Variants in SMYD3 observed in about 807,000 individuals in gnomAD.
SMYD3 encodes histone-lysine N-methyltransferase SMYD3.
Under a neutral mutation model 57.7 loss-of-function variants are expected in SMYD3, and 36 were observed. The ratio of observed to expected loss-of-function variants is 0.62; its 90% CI spans 0.48 to 0.82. SMYD3 has a LOEUF of 0.82. Among genes scored for constraint, SMYD3 ranks in the 40% least tolerant of loss-of-function variants. The pLI, the probability that SMYD3 is intolerant of heterozygous loss-of-function variation, is 0.00. For synonymous variants in SMYD3, 211 were observed against 195.0 expected (o/e 1.08, Z -0.68); for missense variants, 515 against 538.8 (o/e 0.96, Z 0.44).
intron 8 of SMYD3, among the ~76,000 whole-genome samples, chr1:245,876,050 T>A (rs2052469783): frequency 6.6e-6 from 1 of 152,200 alleles, no homozygotes; most frequent in South Asian, 2.1e-4. Flanking sequence ...TCAGAGGCTT[T>A]AATTCACTCC....
chr1:246,298,416 A>T (rs976401061), intron 5 of SMYD3, among the ~76,000 whole-genome samples: 1 of 152,128 alleles, frequency 6.6e-6, no homozygotes, highest in African/African-American at 2.4e-5. Context: ...GAACTCATTT[A>T]AGTTCAAAGT....
chr1:245,822,574 C>CGCCA (rs1419363286), intron 10 of SMYD3, among the ~76,000 whole-genome samples: 8 of 151,068 alleles, frequency 5.3e-5, no homozygotes, highest in Non-Finnish European at 1.0e-4. Context: ...AAAAAGCCAC[C>CGCCA]GCCAGCATGC....
chr1:246,373,941 A>G (rs2066230677), intron 1 of SMYD3, among the ~76,000 whole-genome samples: 2 of 152,194 alleles, frequency 1.3e-5, no homozygotes, highest in African/African-American at 4.8e-5. Flanking sequence ...TCACTGATTC[A>G]TTCTTTCAAC....
At chr1:245,945,280 C>A (rs562489087) in intron 5 of SMYD3, among the ~76,000 whole-genome samples, 1 of 152,012 alleles carries the variant, frequency 6.6e-6, no homozygotes, top group Non-Finnish European at 1.5e-5. Context: ...AACAAATTTA[C>A]AAGAAGAAAA....
intron 10 of SMYD3, among the ~76,000 whole-genome samples, chr1:245,848,596 G>C (rs1466659485): frequency 6.6e-6 from 1 of 151,774 alleles, no homozygotes; most frequent in African/African-American, 2.4e-5. Context: ...ATGTTTAGTA[G>C]AGATGAAGTC....
chr1:246,192,742 T>C (rs1263858915), intron 5 of SMYD3, among the ~76,000 whole-genome samples: 2 of 152,162 alleles, frequency 1.3e-5, no homozygotes, highest in Non-Finnish European at 2.9e-5. Context: ...AAAGAGTAAA[T>C]ATGAGACTAA....
intron 11 of SMYD3, among the ~76,000 whole-genome samples, chr1:245,757,664 C>T (rs2045666959): frequency 6.6e-6 from 1 of 152,128 alleles, no homozygotes; most frequent in African/African-American, 2.4e-5. Context: ...TTCCCCAACA[C>T]TATTTGTTGA....
At chr1:246,156,996 C>T (rs1041051301) in intron 5 of SMYD3, among the ~76,000 whole-genome samples, 1 of 150,598 alleles carries the variant, frequency 6.6e-6, no homozygotes, top group Non-Finnish European at 1.5e-5. Context: ...CTAGGAGGTA[C>T]GAGGGCAAAG....
At chr1:246,090,844 C>T (rs1175163710) in intron 5 of SMYD3, among the ~76,000 whole-genome samples, 2 of 152,062 alleles carry the variant, frequency 1.3e-5, no homozygotes, top group Admixed American at 1.3e-4. Flanking sequence ...CCTCTTAACT[C>T]CGCTTCTAAA....
chr1:245,806,634 GGC>G (rs2048157109), intron 10 of SMYD3, among the ~76,000 whole-genome samples: 1 of 152,148 alleles, frequency 6.6e-6, no homozygotes, highest in African/African-American at 2.4e-5. Context: ...GAGAAGGCCG[GGC>G]GCGGTGGCTC....
At chr1:246,208,409 T>C (rs925540729) in intron 5 of SMYD3, among the ~76,000 whole-genome samples, 1 of 152,150 alleles carries the variant, frequency 6.6e-6, no homozygotes, top group African/African-American at 2.4e-5. Context: ...TAACACTTCA[T>C]GATAATAGAG....
At chr1:246,242,423 A>G (rs1301962488) in intron 5 of SMYD3, among the ~76,000 whole-genome samples, 1 of 152,132 alleles carries the variant, frequency 6.6e-6, no homozygotes, top group Admixed American at 6.6e-5. Flanking sequence ...CTTAATCCTG[A>G]GTTCTAATTT....
At chr1:246,054,942 G>A (rs552351889) in intron 5 of SMYD3, among the ~76,000 whole-genome samples, 9 of 150,746 alleles carry the variant, frequency 6.0e-5, no homozygotes, top group East Asian at 5.9e-4. Flanking sequence ...TTGGGAGGCC[G>A]AGGCGGGCGG....
intron 5 of SMYD3, among the ~76,000 whole-genome samples, chr1:245,963,328 G>T (rs2058058573): frequency 6.6e-6 from 1 of 152,182 alleles, no homozygotes. Flanking sequence ...CACAGGGCAA[G>T]CTGCTGCCCC....
At chr1:245,895,746 T>C (rs536362392) in intron 8 of SMYD3, among the ~76,000 whole-genome samples, 7 of 152,360 alleles carry the variant, frequency 4.6e-5, no homozygotes, top group African/African-American at 1.2e-4. Context: ...ACAGCCCACA[T>C]GGGAATCAAG....
intron 2 of SMYD3, among the ~76,000 whole-genome samples, chr1:246,347,836 T>C (rs865969193): frequency 2.0e-5 from 3 of 152,010 alleles, no homozygotes; most frequent in African/African-American, 7.3e-5. Flanking sequence ...ATGGTGGGAA[T>C]GTAAATTAGT....
intron 5 of SMYD3, among the ~76,000 whole-genome samples, chr1:246,295,900 G>C (rs2064784628): frequency 6.6e-6 from 1 of 152,158 alleles, no homozygotes; most frequent in Non-Finnish European, 1.5e-5. Flanking sequence ...CAATCCCCAA[G>C]GGAGGTATGA....
At chr1:245,897,593 T>C (rs912352492) in intron 8 of SMYD3, among the ~76,000 whole-genome samples, 1 of 152,176 alleles carries the variant, frequency 6.6e-6, no homozygotes, top group African/African-American at 2.4e-5. Context: ...GTTACCTCTT[T>C]TATTAAGAAG....
chr1:245,767,722 T>C (rs962999218), intron 10 of SMYD3, among the ~76,000 whole-genome samples: 1 of 152,070 alleles, frequency 6.6e-6, no homozygotes, highest in African/African-American at 2.4e-5. Flanking sequence ...GGAGGTGCAC[T>C]CAAGGCCAGG....
Sources: gnomAD v4.1 joint callset for allele counts (sites outside exome capture counted in the v4.1 genomes callset) on GRCh38, gnomAD v4.1.1 for gene constraint, MANE v1.5 for transcripts, NCBI Gene and HGNC (gene_info 2026-07-23, HGNC 2026-07-21) for gene names.